Variants in ZNF566 observed in about 807,000 individuals in gnomAD.
ZNF566 encodes zinc finger protein 566.
In ZNF566, 27 loss-of-function variants were observed where a neutral mutation model predicts 32.8. That is an observed-to-expected ratio of 0.82 (90% CI 0.61 to 1.14). ZNF566 has a LOEUF of 1.14. Among genes scored for constraint, ZNF566 ranks in the 50% most tolerant of loss-of-function variants. ZNF566 has a pLI of 0.00. For missense variants in ZNF566, 402 were observed against 490.4 expected (o/e 0.82, Z 1.70); for synonymous variants, 154 against 159.5 (o/e 0.97, Z 0.26).
chr19:36,488,045 T>A (rs1205218420), intron 1 of ZNF566, among the ~76,000 whole-genome samples: 1 of 151,034 alleles, frequency 6.6e-6, no homozygotes, highest in Non-Finnish European at 1.5e-5. Context: ...GATCTAAGAG[T>A]GTTACACAGC....
At chr19:36,454,587 A>T (rs750435393) in intron 4 of ZNF566, among the ~76,000 whole-genome samples, 2 of 152,166 alleles carry the variant, frequency 1.3e-5, no homozygotes, top group African/African-American at 2.4e-5. Flanking sequence ...GAAGAATCAT[A>T]AGAGACTACT....
rs969295085 is a variant in ZNF566 at position 36,476,503 on chromosome 19, A to T, written c.9+46T>A. ...AGGAAAGCAAATGTTTACAGTTACT[A>T]GAAGTAAAAATCACTCTATCTGAGC... On this transcript the variant is annotated intron_variant, in intron 2 of 4. Coordinates refer to ENST00000452939, the MANE Select transcript of ZNF566 (RefSeq NM_001145344.1). The T allele has an allele frequency of 4.6e-6, 7 of 1,529,500 alleles. No homozygotes were observed. In the African/African-American group the frequency reaches 9.6e-5, roughly 21 times the overall value. The allele number at this position is 1,529,500 out of a possible 1,614,324, so 94.7% of individuals were successfully genotyped here. A position where few individuals can be genotyped will look rare whatever the true frequency, so the allele number is the denominator to read the frequency against.
chr19:36,477,520 G>GT (rs1568528944), intron 1 of ZNF566, among the ~76,000 whole-genome samples: 1 of 130,330 alleles, frequency 7.7e-6, no homozygotes, highest in African/African-American at 3.0e-5. Flanking sequence ...CCAGTTTTCT[G>GT]TTTCTGTTTT....
intron 4 of ZNF566, among the ~76,000 whole-genome samples, chr19:36,470,998 G>T (rs1292830864): frequency 1.3e-5 from 2 of 151,522 alleles, no homozygotes; most frequent in African/African-American, 4.9e-5. Context: ...CACAAGGTCA[G>T]GAGATTGAGA....
At chr19:36,477,617 C>T (rs1355190972) in intron 1 of ZNF566, among the ~76,000 whole-genome samples, 2 of 148,594 alleles carry the variant, frequency 1.3e-5, no homozygotes, top group Non-Finnish European at 1.5e-5. Context: ...TGGCTCACTG[C>T]AAGCTCCGCC....
chr19:36,480,981 T>G (rs2034015128), intron 1 of ZNF566, among the ~76,000 whole-genome samples: 1 of 151,698 alleles, frequency 6.6e-6, no homozygotes, highest in East Asian at 2.0e-4. Context: ...AGACAGAGGT[T>G]GCAGTAAGCT....
rs78873949 is a variant in ZNF566 at position 36,479,079 on chromosome 19, A to G, written c.-59-2463T>C. The stretch of plus-strand genomic sequence containing the variant: ...GTTTTCTGCCAGCATTCATGAAACT[A>G]ACAGGCTAATGTATGAGCTTGTATG... On this transcript the variant is annotated intron_variant, in intron 1 of 4. Coordinates refer to ENST00000452939, the MANE Select transcript of ZNF566 (RefSeq NM_001145344.1). 1.1e-3 allele frequency among the ~76,000 whole-genome samples: 170 copies of G among 152,322 alleles called. 3 individuals carry two copies. The East Asian group carries it at 0.02, about 18-fold the overall frequency.
At chr19:36,471,417 G>A (rs2033762325) in intron 4 of ZNF566, among the ~76,000 whole-genome samples, 1 of 151,884 alleles carries the variant, frequency 6.6e-6, no homozygotes, top group African/African-American at 2.4e-5. Context: ...TCCAGTCACT[G>A]GCCTCTGGGG....
chr19:36,451,787 C>A (rs1400092670), intron 4 of ZNF566, among the ~76,000 whole-genome samples: 1 of 152,182 alleles, frequency 6.6e-6, no homozygotes, highest in Non-Finnish European at 1.5e-5. Flanking sequence ...GCGGGCCGAT[C>A]ACGAGGTCAG....
In ZNF566 at chr19:36,455,513, G is replaced by A. The variant is rs572482480; in HGVS notation, c.233-5512C>T. On this transcript the variant is annotated intron_variant, in intron 4 of 4. Transcript: ENST00000452939. ...TTCCCGCACTTTGGGAGGCCGAGGC[G>A]GGCAGATTACTTGAGGTCAGGAGTT... 2.3e-4 allele frequency among the ~76,000 whole-genome samples: 35 copies of A among 152,086 alleles called. No homozygotes were observed. In the Middle Eastern group the frequency reaches 0.014, roughly 59 times the overall value.
intron 1 of ZNF566, among the ~76,000 whole-genome samples, chr19:36,485,899 C>A (rs1253218267): frequency 1.3e-5 from 2 of 151,776 alleles, no homozygotes; most frequent in African/African-American, 4.8e-5. Flanking sequence ...GCTAAAAATA[C>A]AAAAATTAGC....
At chr19:36,450,929 C>T (rs1274646137) in intron 4 of ZNF566, among the ~76,000 whole-genome samples, 4 of 152,210 alleles carry the variant, frequency 2.6e-5, no homozygotes, top group South Asian at 2.1e-4. Flanking sequence ...AAAAGTTTGC[C>T]AGCCCCTGGT....
chr19:36,457,241 G>A (rs187869159), intron 4 of ZNF566, among the ~76,000 whole-genome samples: 1 of 152,130 alleles, frequency 6.6e-6, no homozygotes, highest in Admixed American at 6.5e-5. Context: ...ATATACGAAA[G>A]TCAACTCAAA....
rs1366416847 is a variant in ZNF566 at position 36,445,739 on chromosome 19, A to C, written c.*3238T>G. On this transcript the variant is annotated 3_prime_UTR_variant, in exon 5 of 5. Coordinates refer to ENST00000452939, the MANE Select transcript of ZNF566 (RefSeq NM_001145344.1). The stretch of plus-strand genomic sequence containing the variant: ...GAGGCTGAGGCAGGAGAATCTCTTG[A>C]ACCCGGGAGGCGGAGATTGCAGTAA... The C allele has an allele frequency of 6.6e-6, 1 of 152,220 alleles. No homozygotes were observed. The highest frequency in any genetic ancestry group is 1.5e-5 in the Non-Finnish European group (1 of 68,076). The allele number at this position is 152,220 out of a possible 1,614,324, so 9.4% of individuals were successfully genotyped here.
intron 2 of ZNF566, 87 bp downstream of exon 2, chr19:36,476,461 CA>C: frequency 2.6e-6 from 3 of 1,156,208 alleles, no homozygotes; most frequent in South Asian, 1.4e-5. Context: ...TTTCTAACAT[CA>C]AAAAGCATCA....
intron 4 of ZNF566, among the ~76,000 whole-genome samples, chr19:36,469,550 G>T (rs942677557): frequency 1.1e-4 from 17 of 151,210 alleles, no homozygotes; most frequent in African/African-American, 3.9e-4. Context: ...CGAAAACAAA[G>T]AAAAAAAAGA....
chr19:36,468,134 G>A (rs1270601856), intron 4 of ZNF566, among the ~76,000 whole-genome samples: 4 of 147,464 alleles, frequency 2.7e-5, no homozygotes, highest in African/African-American at 5.1e-5. Flanking sequence ...GCGGTGAGCC[G>A]AGATCGTGTC....
chr19:36,477,793 C>A (rs547566044), intron 1 of ZNF566, among the ~76,000 whole-genome samples: 1 of 151,896 alleles, frequency 6.6e-6, no homozygotes, highest in Non-Finnish European at 1.5e-5. Context: ...GGATTATAAG[C>A]GTGAGACACC....
chr19:36,467,449 AAAAAG>A (rs1415471666), intron 4 of ZNF566, among the ~76,000 whole-genome samples: 9 of 150,142 alleles, frequency 6.0e-5, no homozygotes, highest in African/African-American at 2.2e-4. Flanking sequence ...AAAAAAAAAA[AAAAAG>A]AATTTCAAAA....
Sources: allele counts gnomAD v4.1 joint callset (sites outside exome capture counted in the v4.1 genomes callset), GRCh38; gene constraint gnomAD v4.1.1; transcripts MANE v1.5; gene names NCBI Gene and HGNC (gene_info 2026-07-23, HGNC 2026-07-21).